The following ZNF232 variants were observed in gnomAD, a reference collection of about 807,000 sequenced individuals.
ZNF232 encodes zinc finger protein 232.
In ZNF232, 25 loss-of-function variants were observed where a neutral mutation model predicts 25.2. The ratio of observed to expected loss-of-function variants is 0.99; its 90% CI spans 0.72 to 1.39. The LOEUF is 1.39. Ranked by LOEUF, ZNF232 falls within the 40% of genes most tolerant of loss-of-function variation. The probability of loss-of-function intolerance (pLI) is 0.00; values close to 1 mark genes in which losing one functional copy is unlikely to be tolerated. For synonymous variants in ZNF232, 193 were observed against 182.9 expected, an observed-to-expected ratio of 1.06 and a Z score of -0.45; for missense variants, 519 against 520.9, an observed-to-expected ratio of 1.00 and a Z score of 0.04.
At chr17:5,106,058 G>A in exon 4 of ZNF232, 2 of 1,614,110 alleles carry the variant, frequency 1.2e-6, no homozygotes, top group Non-Finnish European at 1.7e-6. Flanking sequence ...CCCATCTGAA[G>A]GCCTTCCCAC....
exon 4 of ZNF232, chr17:5,106,447 T>C (rs1316516553): frequency 6.2e-7 from 1 of 1,614,098 alleles, no homozygotes; most frequent in South Asian, 1.1e-5. Flanking sequence ...TCCACTTCAG[T>C]AATGGGTGGT....
At chr17:5,118,451 G>A (rs547661201) in intron 1 of ZNF232, among the ~76,000 whole-genome samples, 1 of 152,372 alleles carries the variant, frequency 6.6e-6, no homozygotes, top group South Asian at 2.1e-4. Flanking sequence ...GGTCTGCGGT[G>A]CTGCCCAAGT....
chr17:5,113,092 AG>A (rs2072456413), upstream of ZNF232, among the ~76,000 whole-genome samples: 2 of 152,262 alleles, frequency 1.3e-5, no homozygotes, highest in Admixed American at 1.3e-4. Context: ...TCAACTGTGT[AG>A]TACCATAGTA....
chr17:5,116,116 C>G (rs1012423636), upstream of ZNF232, among the ~76,000 whole-genome samples: 1 of 152,200 alleles, frequency 6.6e-6, no homozygotes, highest in Non-Finnish European at 1.5e-5. Flanking sequence ...TCTCCAGGCG[C>G]CCATCAGTCT....
At chr17:5,109,543 G>C in exon 2 of ZNF232, 1 of 1,614,208 alleles carries the variant, frequency 6.2e-7, no homozygotes, top group Non-Finnish European at 8.5e-7. Context: ...TCCAGGATCT[G>C]CTCCTTCGTG....
exon 2 of ZNF232, chr17:5,109,451 T>C: frequency 6.2e-7 from 1 of 1,614,042 alleles, no homozygotes; most frequent in East Asian, 2.2e-5. Flanking sequence ...CAGCCTCCTC[T>C]CCACTCTTAG....
At chr17:5,116,173 G>A (rs2072531651), upstream of ZNF232, among the ~76,000 whole-genome samples, 1 of 151,710 alleles carries the variant, frequency 6.6e-6, no homozygotes, top group African/African-American at 2.4e-5. Context: ...TGCTGTCCCC[G>A]CTCCAACTAG....
chr17:5,106,014 G>C lies in ZNF232; in HGVS notation c.1118C>G (p.Ser373Ter). ...ATTACACTCATAGGGCTTCTCTCCT[G>C]AGTGAATCCTCTGATGCTGAACAAG... Residue 373 changes from serine (S) to a stop codon, truncating the protein, a stop_gained, in exon 4 of 4, where the codon TCA becomes TGA. Coordinates refer to ENST00000575898, the Ensembl canonical transcript of ZNF232. LOFTEE classifies it low-confidence loss of function (END_TRUNC). 1 of 1,614,106 alleles carries C rather than the reference G, an allele frequency of 6.2e-7. No individual in the cohort carries two copies. The highest frequency in any genetic ancestry group is 8.5e-7 in the Non-Finnish European group (1 of 1,179,992).
exon 4 of ZNF232, chr17:5,106,170 G>A: frequency 6.2e-7 from 1 of 1,614,134 alleles, no homozygotes; most frequent in African/African-American, 1.3e-5. Flanking sequence ...ACACTTATAG[G>A]GTTTCTCTCC....
chr17:5,122,506 GC>G (rs2072711812), intron 1 of ZNF232, among the ~76,000 whole-genome samples: 1 of 152,238 alleles, frequency 6.6e-6, no homozygotes, highest in Admixed American at 6.5e-5. Context: ...AGGACAAGCG[GC>G]CCGGCGGTCC....
At chr17:5,109,624 T>A (rs1408222637) in exon 2 of ZNF232, 1 of 1,613,738 alleles carries the variant, frequency 6.2e-7, no homozygotes, top group East Asian at 2.2e-5. Context: ...GGACCAGGAG[T>A]CTCCTGGTAG....
exon 4 of ZNF232, chr17:5,106,083 A>C (rs753011778): frequency 2.5e-6 from 4 of 1,613,938 alleles, no homozygotes; most frequent in Non-Finnish European, 3.4e-6. Context: ...ATTACATTCG[A>C]AGGGTTTCTC....
At chr17:5,122,896 A>G in intron 1 of ZNF232, 1 of 152,346 alleles carries the variant, frequency 6.6e-6, no homozygotes, top group Non-Finnish European at 1.5e-5. Flanking sequence ...CGCGAGGGGG[A>G]GGGACCGAGA....
At chr17:5,118,235 CAG>C (rs1191424541) in intron 1 of ZNF232, 5 of 152,490 alleles carry the variant, frequency 3.3e-5, no homozygotes, top group African/African-American at 7.2e-5. Flanking sequence ...GGACTCAAGA[CAG>C]GGGTGCCCTG....
At chr17:5,115,094 G>C (rs2072497675), upstream of ZNF232, 1 of 150,414 alleles carries the variant, frequency 6.6e-6, no homozygotes, top group Admixed American at 6.6e-5. Flanking sequence ...TAGGTAGAAG[G>C]ACCCCACGTC....
intron 1 of ZNF232, chr17:5,121,862 T>A (rs111454676): frequency 0.011 from 1,639 of 152,848 alleles, 15 homozygotes; most frequent in Non-Finnish European, 0.017. Context: ...TGGGAACCTG[T>A]GGGGGTTTGC....
upstream of ZNF232, chr17:5,113,915 A>G (rs1243196020): frequency 2.6e-5 from 4 of 152,072 alleles, no homozygotes; most frequent in African/African-American, 9.7e-5. Flanking sequence ...GTGGTGTGGA[A>G]CCTCTCATGA....
intron 3 of ZNF232, 192 bp downstream of exon 3, chr17:5,108,734 G>C (rs1029905209): frequency 2.5e-6 from 2 of 803,304 alleles, no homozygotes; most frequent in African/African-American, 3.5e-5. Context: ...TTATGAGGTA[G>C]TTTATTCTTA....
At chr17:5,120,230 G>A (rs950256330) in intron 1 of ZNF232, among the ~76,000 whole-genome samples, 4 of 152,138 alleles carry the variant, frequency 2.6e-5, no homozygotes, top group African/African-American at 9.7e-5. Context: ...TGACACCAAC[G>A]TAGGGTTGCT....
Sources: allele counts gnomAD v4.1 joint callset (sites outside exome capture counted in the v4.1 genomes callset), GRCh38; gene constraint gnomAD v4.1.1; transcripts MANE v1.5; gene names NCBI Gene and HGNC (gene_info 2026-07-23, HGNC 2026-07-21).